The following WDR7 variants were observed in gnomAD, a reference collection of about 807,000 sequenced individuals.
The protein encoded by WDR7 is WD repeat-containing protein 7.
WDR7 carries 46 observed loss-of-function variants against 169.4 expected under a neutral mutation model. The observed-to-expected ratio is 0.27, with a 90% CI of 0.21 to 0.35. WDR7 has a LOEUF of 0.35. Ranked by LOEUF, WDR7 falls within the 10% of genes least tolerant of loss-of-function variation. The pLI is 1.00. For synonymous variants in WDR7, 612 were observed against 666.8 expected (o/e 0.92, Z 1.27); for missense variants, 1,534 against 1,859.3 (o/e 0.83, Z 3.22).
chr18:57,023,204 AC>A (rs2048314854), intron 27 of WDR7, among the ~76,000 whole-genome samples: 1 of 152,214 alleles, frequency 6.6e-6, no homozygotes, highest in Admixed American at 6.5e-5. Flanking sequence ...AGTCCAAAAA[AC>A]AGTATTAGAT....
At chr18:56,708,828 T>G (rs1431432006) in intron 12 of WDR7, among the ~76,000 whole-genome samples, 2 of 151,712 alleles carry the variant, frequency 1.3e-5, no homozygotes, top group Non-Finnish European at 2.9e-5. Context: ...TCCCAGCTAC[T>G]TGAGAGACTG....
In WDR7 at chr18:56,779,513, G is replaced by T. The variant is rs753638782; in HGVS notation, c.3030G>T (p.Glu1010Asp). 1.1e-5 allele frequency: 18 copies of T among 1,613,918 alleles called. No homozygotes were observed. The East Asian group carries it at 4.0e-4, about 36-fold the overall frequency. ...ATAAATTTAGGCCTCCCCTTCTGGA[G>T]ATGCTGGCCCGAAGATGGCAAGATC... ...GLDKFRPPLLEMLARRWQDRC... is the reference protein window; with the variant it reads ...GLDKFRPPLLDMLARRWQDRC... Residue 1010 changes from glutamate (E) to aspartate (D), a missense_variant, in exon 18 of 28, where the codon GAG becomes GAT. Glu to Asp is a conservative substitution (Grantham distance 45). Coordinates refer to ENST00000254442, the MANE Select transcript of WDR7 (RefSeq NM_015285.3).
At chr18:56,688,006 G>A (rs2025478130) in intron 7 of WDR7, among the ~76,000 whole-genome samples, 1 of 152,134 alleles carries the variant, frequency 6.6e-6, no homozygotes, top group Admixed American at 6.6e-5. Context: ...TGAATACCAG[G>A]GTTTGGGATC....
chr18:56,824,120 C>T (rs1401235776), intron 20 of WDR7, among the ~76,000 whole-genome samples: 1 of 152,130 alleles, frequency 6.6e-6, no homozygotes, highest in Non-Finnish European at 1.5e-5. Context: ...AACTTTGTTC[C>T]CCAGAGTACC....
intron 26 of WDR7, among the ~76,000 whole-genome samples, chr18:57,002,880 A>AT (rs1355957592): frequency 1.3e-5 from 2 of 152,166 alleles, no homozygotes; most frequent in Non-Finnish European, 1.5e-5. Flanking sequence ...TGATAAATGT[A>AT]TTTTTATACA....
At chr18:56,965,318 A>G (rs935233399) in intron 26 of WDR7, among the ~76,000 whole-genome samples, 3 of 152,160 alleles carry the variant, frequency 2.0e-5, no homozygotes, top group Non-Finnish European at 4.4e-5. Flanking sequence ...GGGATCAGAG[A>G]ACCCATGACT....
intron 12 of WDR7, among the ~76,000 whole-genome samples, chr18:56,697,578 T>A (rs1309903266): frequency 6.6e-6 from 1 of 151,220 alleles, no homozygotes; most frequent in Admixed American, 6.6e-5. Flanking sequence ...TAACCAATTT[T>A]ATGTCATATT....
chr18:56,722,442 A>C (rs2026342548), intron 13 of WDR7, among the ~76,000 whole-genome samples: 1 of 152,098 alleles, frequency 6.6e-6, no homozygotes, highest in Admixed American at 6.5e-5. Context: ...TAGATCTTAC[A>C]TTTGTATTTC....
intron 19 of WDR7, among the ~76,000 whole-genome samples, chr18:56,810,522 A>G (rs1013934858): frequency 3.9e-5 from 6 of 152,222 alleles, no homozygotes; most frequent in African/African-American, 1.2e-4. Context: ...GAGGATTAAT[A>G]TAGTTACAAA....
At chr18:56,788,257 A>G (rs1269063161) in intron 19 of WDR7, among the ~76,000 whole-genome samples, 3 of 152,174 alleles carry the variant, frequency 2.0e-5, no homozygotes, top group African/African-American at 4.8e-5. Flanking sequence ...TGAAGAGAAT[A>G]TACTTCTTTA....
At chr18:56,932,034 G>A (rs1340651174) in intron 22 of WDR7, among the ~76,000 whole-genome samples, 1 of 152,144 alleles carries the variant, frequency 6.6e-6, no homozygotes, top group Non-Finnish European at 1.5e-5. Flanking sequence ...TAAAGTTGGT[G>A]CTTTGGGAAG....
intron 21 of WDR7, among the ~76,000 whole-genome samples, chr18:56,894,072 C>T (rs946672318): frequency 9.2e-5 from 14 of 151,998 alleles, no homozygotes; most frequent in Admixed American, 5.9e-4. Context: ...TGACATAACA[C>T]ATCTAATCTA....
chr18:56,885,558 C>G (rs1447157671), intron 21 of WDR7, among the ~76,000 whole-genome samples: 6 of 151,894 alleles, frequency 4.0e-5, no homozygotes, highest in African/African-American at 1.5e-4. Flanking sequence ...GGCGCGGTGG[C>G]TCATGCCTGT....
intron 21 of WDR7, among the ~76,000 whole-genome samples, chr18:56,882,017 G>A (rs181857102): frequency 6.6e-6 from 1 of 152,294 alleles, no homozygotes; most frequent in East Asian, 1.9e-4. Context: ...CAAGTGTCTT[G>A]CGACCTGAGA....
chr18:56,790,450 AG>A (rs1405271663), intron 19 of WDR7, among the ~76,000 whole-genome samples: 1 of 152,182 alleles, frequency 6.6e-6, no homozygotes. Context: ...ATGACAGAAT[AG>A]ATCTTACGGA....
chr18:56,691,141 T>A (rs2025559538), intron 7 of WDR7, 75 bp from the exon 8 acceptor site: 7 of 1,529,830 alleles, frequency 4.6e-6, no homozygotes, highest in Middle Eastern at 1.9e-4. Flanking sequence ...GCTTTTTTTT[T>A]AAACTTGAAA....
intron 19 of WDR7, among the ~76,000 whole-genome samples, chr18:56,793,352 G>C (rs1021800266): frequency 6.6e-5 from 10 of 152,182 alleles, no homozygotes; most frequent in Non-Finnish European, 1.5e-4. Flanking sequence ...TGCTGCACTT[G>C]ACAAACCTCT....
At chr18:56,853,135 C>G (rs973190577) in intron 20 of WDR7, among the ~76,000 whole-genome samples, 1 of 152,168 alleles carries the variant, frequency 6.6e-6, no homozygotes, top group African/African-American at 2.4e-5. Flanking sequence ...ATATGAATTA[C>G]TTTGCAGAAA....
At chr18:56,828,329 C>A (rs1008097677) in intron 20 of WDR7, among the ~76,000 whole-genome samples, 1 of 152,064 alleles carries the variant, frequency 6.6e-6, no homozygotes, top group Non-Finnish European at 1.5e-5. Flanking sequence ...TTTGACGAAA[C>A]AGACATAACT....
Sources: gnomAD v4.1 joint callset for allele counts (sites outside exome capture counted in the v4.1 genomes callset) on GRCh38, gnomAD v4.1.1 for gene constraint, MANE v1.5 for transcripts, NCBI Gene and HGNC (gene_info 2026-07-23, HGNC 2026-07-21) for gene names.